Variants in SPOCK1 observed in about 807,000 individuals in gnomAD.
The protein encoded by SPOCK1 is SPARC (osteonectin), cwcv and kazal like domains proteoglycan 1.
SPOCK1 carries 23 observed loss-of-function variants against 55.3 expected under a neutral mutation model. The observed-to-expected ratio is 0.42, with a 90% CI of 0.30 to 0.59. The LOEUF is 0.59. Among genes scored for constraint, SPOCK1 ranks in the 20% least tolerant of loss-of-function variants. The probability of loss-of-function intolerance (pLI) is 0.22; values close to 1 mark genes in which losing one functional copy is unlikely to be tolerated. For missense variants in SPOCK1, 499 were observed against 552.5 expected (o/e 0.90, Z 0.97); for synonymous variants, 226 against 221.0 (o/e 1.02, Z -0.20).
At chr5:137,283,820 A>C (rs1292314799) in intron 2 of SPOCK1, among the ~76,000 whole-genome samples, 1 of 152,222 alleles carries the variant, frequency 6.6e-6, no homozygotes, top group Non-Finnish European at 1.5e-5. Flanking sequence ...CAAGAAAATG[A>C]GCATAGTCGA....
chr5:137,127,024 T>C (rs530946772), intron 4 of SPOCK1, among the ~76,000 whole-genome samples: 7 of 152,284 alleles, frequency 4.6e-5, no homozygotes, highest in African/African-American at 1.7e-4. Flanking sequence ...CTATTCATAT[T>C]GTAAAGAATG....
intron 2 of SPOCK1, among the ~76,000 whole-genome samples, chr5:137,374,993 C>G (rs892176552): frequency 6.6e-6 from 1 of 152,140 alleles, no homozygotes; most frequent in Non-Finnish European, 1.5e-5. Context: ...CACTCTCCCC[C>G]ATCTCAGTTG....
chr5:137,424,657 G>T (rs964475118), intron 2 of SPOCK1, among the ~76,000 whole-genome samples: 1 of 152,178 alleles, frequency 6.6e-6, no homozygotes, highest in Non-Finnish European at 1.5e-5. Context: ...ATGGAAAGTA[G>T]TCAGCAATAA....
intron 2 of SPOCK1, among the ~76,000 whole-genome samples, chr5:137,356,830 T>TAGAGAGAGAGAG (rs1374423446): frequency 2.5e-4 from 3 of 11,998 alleles, no homozygotes; most frequent in Admixed American, 8.1e-4. Context: ...TATATATATA[T>TAGAGAGAGAGAG]ATATATATAG....
Position 137,498,505 on chromosome 5 carries a change from T to C in SPOCK1, c.54A>G (p.Gln18=), listed in dbSNP as rs751003886. ...GCGCGTCCAGGTGCCGGCTCTCGACTTGGAGGAAGCACCACGCCGCGGCGG... is the reference window on the plus strand; with the variant it reads ...GCGCGTCCAGGTGCCGGCTCTCGACCTGGAGGAAGCACCACGCCGCGGCGG... ...AAAAAAWCFL[Q]VESRHLDALA... Residue 18 remains glutamine, a synonymous_variant, in exon 2 of 11, where the codon CAA becomes CAG. Coordinates refer to ENST00000394945, the MANE Select transcript of SPOCK1 (RefSeq NM_004598.4). 1 of 1,579,968 alleles carries C rather than the reference T, an allele frequency of 6.3e-7. No homozygotes were observed. The highest frequency in any genetic ancestry group is 8.6e-7 in the Non-Finnish European group (1 of 1,167,868).
intron 2 of SPOCK1, among the ~76,000 whole-genome samples, chr5:137,427,629 G>C (rs75735325): frequency 6.6e-6 from 1 of 152,180 alleles, no homozygotes; most frequent in Non-Finnish European, 1.5e-5. Flanking sequence ...GCAGTAACTG[G>C]CTGGGCACGA....
intron 2 of SPOCK1, among the ~76,000 whole-genome samples, chr5:137,352,879 G>A (rs1750712581): frequency 6.6e-6 from 1 of 152,152 alleles, no homozygotes; most frequent in Non-Finnish European, 1.5e-5. Flanking sequence ...TGCAGAAGGT[G>A]GACACTGCAG....
In SPOCK1 at chr5:136,978,440, C is replaced by CAA. The variant is rs1200241704; in HGVS notation, c.*212_*213dup. 5 of 340,996 alleles carry CAA rather than the reference C, an allele frequency of 1.5e-5. No homozygotes were observed. The highest frequency in any genetic ancestry group is 2.5e-5 in the Non-Finnish European group (5 of 199,884). The allele number at this position is 340,996 out of a possible 1,614,324, so 21.1% of individuals were successfully genotyped here. ...ACTTCCCTATCCAAAAAATAAACAA[C>CAA]AACAAAAAAAAAACACAACACCCTT... On this transcript the variant is annotated 3_prime_UTR_variant, in exon 11 of 11. Transcript: ENST00000394945.
chr5:137,000,165 T>C (rs1454329417), intron 6 of SPOCK1, among the ~76,000 whole-genome samples: 1 of 152,178 alleles, frequency 6.6e-6, no homozygotes, highest in African/African-American at 2.4e-5. Flanking sequence ...CTCTCAGAAA[T>C]GGAGACCTGA....
chr5:137,403,589 G>A (rs1243635514), intron 2 of SPOCK1, among the ~76,000 whole-genome samples: 6 of 152,154 alleles, frequency 3.9e-5, no homozygotes, highest in East Asian at 3.9e-4. Flanking sequence ...AAATGCAGGC[G>A]GTAGGGTGTG....
At chr5:137,316,204 GT>G (rs1305071827) in intron 2 of SPOCK1, among the ~76,000 whole-genome samples, 3 of 152,240 alleles carry the variant, frequency 2.0e-5, no homozygotes, top group Non-Finnish European at 4.4e-5. Flanking sequence ...ATGCTACTGT[GT>G]GAAGCCTCTT....
At chr5:137,390,014 T>C (rs1751682539) in intron 2 of SPOCK1, among the ~76,000 whole-genome samples, 1 of 152,008 alleles carries the variant, frequency 6.6e-6, no homozygotes, top group South Asian at 2.1e-4. Context: ...GATCTCTACC[T>C]CCACCCAGGT....
intron 3 of SPOCK1, among the ~76,000 whole-genome samples, chr5:137,235,947 T>C (rs1199656479): frequency 6.6e-6 from 1 of 152,228 alleles, no homozygotes; most frequent in Non-Finnish European, 1.5e-5. Context: ...AATGAAACTA[T>C]GCTAACATTT....
At chr5:137,073,316 T>C (rs1752652139) in intron 5 of SPOCK1, among the ~76,000 whole-genome samples, 1 of 152,146 alleles carries the variant, frequency 6.6e-6, no homozygotes, top group Non-Finnish European at 1.5e-5. Context: ...GAATGATGTA[T>C]GGTGTGATCA....
chr5:137,426,982 G>C (rs1228196248), intron 2 of SPOCK1, among the ~76,000 whole-genome samples: 1 of 152,182 alleles, frequency 6.6e-6, no homozygotes, highest in African/African-American at 2.4e-5. Flanking sequence ...TCCAAGCCAA[G>C]GACTTCATTT....
chr5:137,357,278 T>C (rs1750838840), intron 2 of SPOCK1, among the ~76,000 whole-genome samples: 1 of 152,294 alleles, frequency 6.6e-6, no homozygotes, highest in Admixed American at 6.5e-5. Context: ...ATAATTATGA[T>C]TCAGGCACTA....
chr5:137,083,187 C>A (rs966490283), intron 5 of SPOCK1, among the ~76,000 whole-genome samples: 5 of 152,168 alleles, frequency 3.3e-5, no homozygotes, highest in Non-Finnish European at 7.3e-5. Flanking sequence ...CATGTCATTG[C>A]CACAGATAAT....
At chr5:136,998,095 A>G (rs933609918) in intron 6 of SPOCK1, among the ~76,000 whole-genome samples, 1 of 152,344 alleles carries the variant, frequency 6.6e-6, no homozygotes, top group African/African-American at 2.4e-5. Flanking sequence ...AGCTACTGGC[A>G]TATAGCAGGA....
At chr5:137,169,584 G>A (rs1191836012) in intron 3 of SPOCK1, among the ~76,000 whole-genome samples, 2 of 152,108 alleles carry the variant, frequency 1.3e-5, no homozygotes, top group African/African-American at 4.8e-5. Flanking sequence ...AGCAACATAG[G>A]AGTTAAGACT....
Sources: gnomAD v4.1 joint callset for allele counts (sites outside exome capture counted in the v4.1 genomes callset) on GRCh38, gnomAD v4.1.1 for gene constraint, MANE v1.5 for transcripts, NCBI Gene and HGNC (gene_info 2026-07-23, HGNC 2026-07-21) for gene names.